MYH15: variants seen among roughly 807,000 people sequenced by gnomAD.
MYH15 encodes myosin-15.
MYH15 carries 227 observed loss-of-function variants against 240.5 expected under a neutral mutation model. The observed-to-expected ratio is 0.94, with a 90% CI of 0.85 to 1.05. The LOEUF is 1.05. Among genes scored for constraint, MYH15 ranks in the 50% least tolerant of loss-of-function variants. The probability of loss-of-function intolerance (pLI) is 0.00; values close to 1 mark genes in which losing one functional copy is unlikely to be tolerated. For missense variants in MYH15, 2,217 were observed against 2,247.5 expected (o/e 0.99, Z 0.27); for synonymous variants, 785 against 796.7 (o/e 0.99, Z 0.25).
Position 108,437,696 on chromosome 3 carries a change from C to G in MYH15, c.3079G>C (p.Glu1027Gln). 1 of 1,610,590 alleles carries G rather than the reference C, an allele frequency of 6.2e-7. No homozygotes were observed. The highest frequency in any genetic ancestry group is 8.5e-7 in the Non-Finnish European group (1 of 1,179,058). Residue 1027 changes from glutamate (E) to glutamine (Q), a missense_variant, in exon 25 of 41, where the codon GAG becomes CAG. Transcript: ENST00000693548. ...LKLEQQVDEL[E>Q]GALEQERKAR... ...TTTCTCTCCTGCTCAAGGGCACCCT[C>G]AAGCTGACAAAAGGAAACATTATTT...
At chr3:108,463,321 C>CTTT in intron 15 of MYH15, 78 bp from the exon 16 acceptor site, 4 of 1,143,392 alleles carry the variant, frequency 3.5e-6, no homozygotes, top group South Asian at 1.8e-5. Context: ...TGCATTACCC[C>CTTT]TTTTTTTTTT....
Position 108,399,224 on chromosome 3 carries a change from C to G in MYH15, c.4780G>C (p.Asp1594His). 6.2e-7 allele frequency: 1 copy of G among 1,614,170 alleles called. No individual in the cohort carries two copies. ...CTIDSLQSSL[D>H]SEAKSRIEVT... The stretch of plus-strand genomic sequence containing the variant: ...TCAATTCTGCTCTTAGCTTCAGAAT[C>G]CAGACTAGACTGCAGGGAGTCAATG... The change falls in exon 34 of 41, where the codon GAT (aspartate) becomes CAT (histidine). Residue 1594 changes from aspartate (D) to histidine (H), a missense_variant. Physicochemically the swap from Asp to His is moderately conservative, Grantham distance 81. Transcript: ENST00000693548.
chr3:108,462,687 T>C (rs1429255450), intron 16 of MYH15, among the ~76,000 whole-genome samples: 1 of 152,058 alleles, frequency 6.6e-6, no homozygotes, highest in African/African-American at 2.4e-5. Flanking sequence ...AAATCAGACA[T>C]AATCCCTGCC....
chr3:108,453,762 C>A (rs921398867), intron 21 of MYH15, among the ~76,000 whole-genome samples: 6 of 152,174 alleles, frequency 3.9e-5, no homozygotes, highest in Admixed American at 3.3e-4. Flanking sequence ...ACATAAAAAT[C>A]TCTCTCAAAG....
chr3:108,408,411 A>G lies in MYH15; in HGVS notation c.4496-7T>C. ...GTCAGATTAGAAATCTCTTCTGGAG[A>G]CAGAGGTAAGAAAAACAAAGTTAGT... On this transcript the variant is annotated splice_polypyrimidine_tract_variant and splice_region_variant and intron_variant, in intron 31 of 40. Coordinates refer to ENST00000693548, the MANE Select transcript of MYH15 (RefSeq NM_014981.3). 2 of 1,603,810 alleles carry G rather than the reference A, an allele frequency of 1.2e-6. No homozygotes were observed. The highest frequency in any genetic ancestry group is 1.7e-5 in the Admixed American group (1 of 57,972).
intron 25 of MYH15, among the ~76,000 whole-genome samples, chr3:108,431,791 G>A (rs2082781604): frequency 6.6e-6 from 1 of 152,192 alleles, no homozygotes; most frequent in African/African-American, 2.4e-5. Flanking sequence ...CTAGAGATTT[G>A]TTGAATAGCT....
chr3:108,534,337 A>G, the MYH15 span, among the ~76,000 whole-genome samples: 9 of 152,280 alleles, frequency 5.9e-5, no homozygotes, highest in South Asian at 1.9e-3. Flanking sequence ...ATTTTCTTCT[A>G]ATATTTTTAT....
intron 1 of MYH15, among the ~76,000 whole-genome samples, chr3:108,526,556 G>A (rs934298633): frequency 6.6e-6 from 1 of 152,022 alleles, no homozygotes; most frequent in Non-Finnish European, 1.5e-5. Context: ...TAGAGCAGAA[G>A]TCAGACCTGT....
chr3:108,438,996 G>A (rs956368194), intron 24 of MYH15, among the ~76,000 whole-genome samples: 7 of 151,208 alleles, frequency 4.6e-5, no homozygotes, highest in Admixed American at 1.3e-4. Flanking sequence ...GTAACACAAC[G>A]AATAGATAAT....
chr3:108,501,087 C>T (rs890614328), intron 3 of MYH15, among the ~76,000 whole-genome samples: 2 of 152,170 alleles, frequency 1.3e-5, no homozygotes, highest in African/African-American at 4.8e-5. Context: ...AGTTTTGTTA[C>T]AGCATCCCAG....
intron 33 of MYH15, among the ~76,000 whole-genome samples, chr3:108,399,859 TACTTTAAC>T (rs2082490889): frequency 1.3e-5 from 2 of 152,206 alleles, no homozygotes; most frequent in Non-Finnish European, 2.9e-5. Context: ...GATATTGAAT[TACTTTAAC>T]ACTTTAAATT....
chr3:108,428,908 T>C, intron 26 of MYH15, 27 bp from the exon 27 acceptor site: 2 of 1,570,514 alleles, frequency 1.3e-6, no homozygotes, highest in Non-Finnish European at 1.7e-6. Flanking sequence ...TTTTGACTTT[T>C]ACTAAGCACT....
chr3:108,523,803 A>G (rs909129333), intron 1 of MYH15, among the ~76,000 whole-genome samples: 1 of 152,008 alleles, frequency 6.6e-6, no homozygotes, highest in African/African-American at 2.4e-5. Flanking sequence ...TAACAAAATA[A>G]GATCAATTAT....
chr3:108,459,850 G>A (rs1280383581), intron 17 of MYH15, among the ~76,000 whole-genome samples: 2 of 152,170 alleles, frequency 1.3e-5, no homozygotes, highest in Non-Finnish European at 2.9e-5. Flanking sequence ...TTTAGGGAGT[G>A]AAGAAAGCTG....
rs748307731 is a variant in MYH15 at position 108,408,454 on chromosome 3, A to T, written c.4496-50T>A. 4 of 1,547,530 alleles carry T rather than the reference A, an allele frequency of 2.6e-6. No homozygotes were observed. In the East Asian group the frequency reaches 9.1e-5, roughly 35 times the overall value. On this transcript the variant is annotated intron_variant, in intron 31 of 40. Transcript: ENST00000693548. ...AAGTTAGTGAATGGGCTCAGTCTCAAACCAATGATACCAGGCACAACAGAT... is the reference window on the plus strand; with the variant it reads ...AAGTTAGTGAATGGGCTCAGTCTCATACCAATGATACCAGGCACAACAGAT...
intron 1 of MYH15, among the ~76,000 whole-genome samples, chr3:108,507,321 A>G (rs914048804): frequency 2.1e-5 from 3 of 140,096 alleles, no homozygotes; most frequent in Non-Finnish European, 3.1e-5. Flanking sequence ...AGAAGTCCCC[A>G]GGTCACAGCT....
intron 21 of MYH15, among the ~76,000 whole-genome samples, chr3:108,446,741 G>A (rs2082931623): frequency 1.2e-5 from 1 of 83,548 alleles, no homozygotes; most frequent in South Asian, 3.0e-4. Context: ...TGAAGATTTT[G>A]CCCAGTCAAA....
intron 11 of MYH15, among the ~76,000 whole-genome samples, chr3:108,478,292 A>C (rs962671596): frequency 1.3e-5 from 2 of 152,208 alleles, no homozygotes; most frequent in Non-Finnish European, 2.9e-5. Flanking sequence ...TATATAATAC[A>C]TACATTGCTA....
chr3:108,480,966 A>G (rs2083261769), intron 11 of MYH15, among the ~76,000 whole-genome samples: 1 of 152,204 alleles, frequency 6.6e-6, no homozygotes, highest in African/African-American at 2.4e-5. Context: ...CCAAAGCTTA[A>G]TATATTAAGA....
Sources: allele counts gnomAD v4.1 joint callset (sites outside exome capture counted in the v4.1 genomes callset), GRCh38; gene constraint gnomAD v4.1.1; transcripts MANE v1.5; gene names NCBI Gene and HGNC (gene_info 2026-07-23, HGNC 2026-07-21).